Variants in CSMD1 observed in about 807,000 individuals in gnomAD.
CSMD1 encodes CUB and Sushi multiple domains 1, also known as CUB and sushi domain-containing protein 1.
Under a neutral mutation model 417.5 loss-of-function variants are expected in CSMD1, and 213 were observed. That is an observed-to-expected ratio of 0.51 (90% confidence interval 0.46 to 0.57). CSMD1 has a LOEUF of 0.57. Among genes scored for constraint, CSMD1 ranks in the 20% least tolerant of loss-of-function variants. The probability of loss-of-function intolerance (pLI) is 0.00; values close to 1 mark genes in which losing one functional copy is unlikely to be tolerated. For missense variants in CSMD1, 6,923 were observed against 4,529.7 expected (o/e 1.53, Z -15.17); for synonymous variants, 2,862 against 1,736.8 (o/e 1.65, Z -16.11).
chr8:4,947,909 G>T (rs1218585227), intron 1 of CSMD1, among the ~76,000 whole-genome samples: 8 of 151,938 alleles, frequency 5.3e-5, no homozygotes, highest in African/African-American at 1.9e-4. Flanking sequence ...TCTCCTGTAA[G>T]ACATTCGGGT....
At chr8:4,549,641 C>T (rs1410375869) in intron 2 of CSMD1, among the ~76,000 whole-genome samples, 2 of 152,084 alleles carry the variant, frequency 1.3e-5, no homozygotes, top group African/African-American at 4.8e-5. Flanking sequence ...GTAATCCCAG[C>T]ACCTTGGGAG....
At chr8:4,768,769 G>C (rs928277440) in intron 1 of CSMD1, among the ~76,000 whole-genome samples, 8 of 152,160 alleles carry the variant, frequency 5.3e-5, no homozygotes, top group Admixed American at 2.6e-4. Context: ...CTTGTTTACA[G>C]TATAGGCACA....
At chr8:4,248,911 T>C (rs190517450) in intron 3 of CSMD1, among the ~76,000 whole-genome samples, 25 of 152,288 alleles carry the variant, frequency 1.6e-4, no homozygotes, top group East Asian at 3.9e-4. Context: ...TTAGACCATA[T>C]TGAGAATGCC....
At chr8:3,732,887 C>CCATCTAT (rs1796338293) in intron 6 of CSMD1, among the ~76,000 whole-genome samples, 1 of 152,068 alleles carries the variant, frequency 6.6e-6, no homozygotes, top group South Asian at 2.1e-4. Flanking sequence ...ATCTATCCAT[C>CCATCTAT]CATCTATCAT....
At chr8:4,213,402 A>T (rs1399122790) in intron 3 of CSMD1, among the ~76,000 whole-genome samples, 2 of 152,142 alleles carry the variant, frequency 1.3e-5, no homozygotes, top group African/African-American at 4.8e-5. Context: ...AATCCATCCT[A>T]ATCACTGCTG....
intron 3 of CSMD1, among the ~76,000 whole-genome samples, chr8:4,173,853 G>T (rs928718137): frequency 2.6e-5 from 4 of 152,074 alleles, no homozygotes; most frequent in Non-Finnish European, 5.9e-5. Context: ...CTACTTCTTG[G>T]GAAGTCTCTT....
At chr8:4,915,989 G>C (rs919540682) in intron 1 of CSMD1, among the ~76,000 whole-genome samples, 3 of 152,174 alleles carry the variant, frequency 2.0e-5, no homozygotes, top group South Asian at 2.1e-4. Context: ...CCCATCCCTG[G>C]TCCAGCTTGC....
At chr8:4,287,606 G>A (rs1304450983) in intron 3 of CSMD1, among the ~76,000 whole-genome samples, 1 of 151,892 alleles carries the variant, frequency 6.6e-6, no homozygotes, top group Non-Finnish European at 1.5e-5. Context: ...ACCAGGTTAA[G>A]TACTTTACAT....
intron 1 of CSMD1, among the ~76,000 whole-genome samples, chr8:4,831,790 C>A (rs1445866601): frequency 6.6e-6 from 1 of 152,148 alleles, no homozygotes; most frequent in East Asian, 1.9e-4. Flanking sequence ...GCAGCAGGTC[C>A]CCTTCAGGGA....
intron 10 of CSMD1, among the ~76,000 whole-genome samples, chr8:3,504,698 T>C (rs1796750395): frequency 1.3e-5 from 2 of 152,202 alleles, no homozygotes; most frequent in Non-Finnish European, 2.9e-5. Flanking sequence ...TCCCGGCAAA[T>C]TTTATCACCT....
At chr8:4,785,026 C>A (rs1303831520) in intron 1 of CSMD1, among the ~76,000 whole-genome samples, 1 of 152,178 alleles carries the variant, frequency 6.6e-6, no homozygotes, top group Non-Finnish European at 1.5e-5. Context: ...GAAATCAGTT[C>A]TGGGCACTGA....
At chr8:3,758,233 G>A (rs142200067) in intron 5 of CSMD1, among the ~76,000 whole-genome samples, 1 of 152,204 alleles carries the variant, frequency 6.6e-6, no homozygotes, top group African/African-American at 2.4e-5. Flanking sequence ...CAGAGTGCTA[G>A]GGTTACAGGC....
intron 3 of CSMD1, among the ~76,000 whole-genome samples, chr8:4,124,223 G>A (rs917247888): frequency 6.6e-6 from 1 of 152,116 alleles, no homozygotes; most frequent in South Asian, 2.1e-4. Context: ...AGGGCTCCTG[G>A]GCAGGGGAGT....
chr8:4,478,987 G>A (rs945880542), intron 2 of CSMD1, among the ~76,000 whole-genome samples: 2 of 152,192 alleles, frequency 1.3e-5, no homozygotes, highest in Admixed American at 6.5e-5. Context: ...CAAAAGGAAC[G>A]ATAATTCCTA....
chr8:4,269,048 C>T (rs559452102), intron 3 of CSMD1, among the ~76,000 whole-genome samples: 2 of 152,104 alleles, frequency 1.3e-5, no homozygotes, highest in Admixed American at 6.6e-5. Flanking sequence ...AAGGTATCAT[C>T]TTCGTCTTTT....
At chr8:4,751,371 A>T (rs551340227) in intron 1 of CSMD1, among the ~76,000 whole-genome samples, 4 of 150,954 alleles carry the variant, frequency 2.6e-5, no homozygotes, top group Non-Finnish European at 5.9e-5. Flanking sequence ...AGCCTGGACG[A>T]CAGAGCAAGA....
chr8:4,954,722 A>G (rs1290811199), intron 1 of CSMD1, among the ~76,000 whole-genome samples: 1 of 152,232 alleles, frequency 6.6e-6, no homozygotes, highest in Admixed American at 6.5e-5. Flanking sequence ...CACCATGGAA[A>G]TATGCAGAGA....
chr8:3,986,551 A>C (rs767211393), intron 5 of CSMD1, among the ~76,000 whole-genome samples: 3 of 152,110 alleles, frequency 2.0e-5, no homozygotes, highest in Non-Finnish European at 4.4e-5. Context: ...GACCCGTATA[A>C]ATTATAAGTA....
At chr8:4,213,955 G>C (rs1208602277) in intron 3 of CSMD1, among the ~76,000 whole-genome samples, 1 of 152,208 alleles carries the variant, frequency 6.6e-6, no homozygotes, top group Non-Finnish European at 1.5e-5. Context: ...TGTAACCACA[G>C]TGCATTTAAC....
Sources: gnomAD v4.1 joint callset for allele counts (sites outside exome capture counted in the v4.1 genomes callset) on GRCh38, gnomAD v4.1.1 for gene constraint, MANE v1.5 for transcripts, NCBI Gene and HGNC (gene_info 2026-07-23, HGNC 2026-07-21) for gene names.